ZNF600: variants seen among roughly 807,000 people sequenced by gnomAD.
The protein encoded by ZNF600 is zinc finger protein 600.
Under a neutral mutation model 7.3 loss-of-function variants are expected in ZNF600, and 4 were observed. The ratio of observed to expected loss-of-function variants is 0.55; its 90% confidence interval spans 0.27 to 1.25. ZNF600 has a LOEUF of 1.25. Ranked by LOEUF, ZNF600 falls within the 50% of genes most tolerant of loss-of-function variation. ZNF600 has a pLI of 0.12. For missense variants in ZNF600, 911 were observed against 922.1 expected, an observed-to-expected ratio of 0.99 and a Z score of 0.16; for synonymous variants, 290 against 308.9, an observed-to-expected ratio of 0.94 and a Z score of 0.64.
the ZNF600 span, among the ~76,000 whole-genome samples, chr19:52,818,318 T>C: frequency 2.6e-5 from 4 of 152,198 alleles, no homozygotes; most frequent in Non-Finnish European, 4.4e-5. Context: ...TCTGTGTGTC[T>C]GTGGTCCCAG....
the ZNF600 span, chr19:52,810,839 G>A: frequency 6.7e-6 from 1 of 148,258 alleles, no homozygotes; most frequent in Non-Finnish European, 1.1e-5. Context: ...TAAAAAAAGA[G>A]TCCCTCTCCC....
intron 1 of ZNF600, 110 bp from the exon 4 acceptor site, chr19:52,779,017 G>T: frequency 1.1e-6 from 1 of 936,130 alleles, no homozygotes; most frequent in Admixed American, 2.7e-5. Flanking sequence ...GTCCCCCACC[G>T]CCCACTGCAC....
At chr19:52,785,036 C>G (rs1341181125) in intron 1 of ZNF600, among the ~76,000 whole-genome samples, 1 of 151,956 alleles carries the variant, frequency 6.6e-6, no homozygotes, top group Non-Finnish European at 1.5e-5. Flanking sequence ...TGCGCCCAGC[C>G]CCTCTTTCTT....
At chr19:52,800,422 CTT>C in the ZNF600 span, 1 of 1,613,202 alleles carries the variant, frequency 6.2e-7, no homozygotes, top group Non-Finnish European at 8.5e-7. Context: ...CACCTGAAAA[CTT>C]TGTCACATTC....
At position 52,774,563 on chromosome 19, in the gene ZNF600, C is replaced by G. The variant is rs2062657469; in HGVS notation, c.190+12G>C. 2.0e-6 allele frequency: 2 copies of G among 984,572 alleles called. No individual in the cohort carries two copies. The highest frequency in any genetic ancestry group is 6.2e-5 in the Admixed American group (1 of 16,200). 61.0% of individuals were successfully genotyped at this position (984,572 alleles called of 1,614,324 possible). On this transcript the variant is annotated intron_variant, in intron 3 of 3. Transcript: ENST00000648973. ...CAGACTCCTCATGTCTGGGGGACAT[C>G]ATTTTCCTCACCCACAGCTTCCAGG...
At chr19:52,784,156 A>C (rs932761080) in intron 1 of ZNF600, among the ~76,000 whole-genome samples, 8 of 152,194 alleles carry the variant, frequency 5.3e-5, no homozygotes, top group Non-Finnish European at 1.2e-4. Flanking sequence ...TGCAAGGCCA[A>C]GACAGGAGGA....
intron 1 of ZNF600, among the ~76,000 whole-genome samples, chr19:52,783,486 G>A (rs552949469): frequency 1.3e-5 from 2 of 150,566 alleles, no homozygotes; most frequent in African/African-American, 4.9e-5. Flanking sequence ...CTCAGCCTCC[G>A]GAGCAGCCGG....
chr19:52,765,938 T>C, exon 4 of ZNF600: 3 of 1,614,188 alleles, frequency 1.9e-6, no homozygotes, highest in Non-Finnish European at 2.5e-6. Context: ...AAGGTTTCTC[T>C]GCAGTGTGAA....
chr19:52,772,375 G>C (rs1474543988), intron 3 of ZNF600, among the ~76,000 whole-genome samples: 2 of 152,114 alleles, frequency 1.3e-5, no homozygotes, highest in Non-Finnish European at 2.9e-5. Flanking sequence ...GGCTCAGGCA[G>C]GTACATCACT....
At chr19:52,792,872 A>C in the ZNF600 span, among the ~76,000 whole-genome samples, 1 of 151,510 alleles carries the variant, frequency 6.6e-6, no homozygotes, top group East Asian at 2.0e-4. Context: ...AGCTGGGACT[A>C]CAGGTGCCCA....
At chr19:52,808,118 T>C in the ZNF600 span, 5 of 1,613,264 alleles carry the variant, frequency 3.1e-6, no homozygotes, top group Non-Finnish European at 3.4e-6. Context: ...GCCACGTCCC[T>C]GAATGTCAAT....
chr19:52,777,039 T>C (rs1230107966), intron 2 of ZNF600, among the ~76,000 whole-genome samples: 1 of 152,118 alleles, frequency 6.6e-6, no homozygotes, highest in African/African-American at 2.4e-5. Context: ...AAGCATCCTG[T>C]ACCACTGATG....
At chr19:52,779,130 T>A (rs866664357) in intron 1 of ZNF600, among the ~76,000 whole-genome samples, 2 of 152,108 alleles carry the variant, frequency 1.3e-5, no homozygotes, top group East Asian at 3.9e-4. Context: ...CCCCACACAC[T>A]AGGCAGCAGT....
At chr19:52,808,221 T>C in the ZNF600 span, 2 of 1,569,608 alleles carry the variant, frequency 1.3e-6, no homozygotes, top group South Asian at 1.2e-5. Flanking sequence ...AGCATGGATT[T>C]AGTTGTAGTG....
the ZNF600 span, among the ~76,000 whole-genome samples, chr19:52,818,710 A>ATAAAATAC: frequency 6.5e-4 from 14 of 21,536 alleles, no homozygotes; most frequent in Non-Finnish European, 2.3e-3. Context: ...CAAAAATAAA[A>ATAAAATAC]AAATACAAAT....
At chr19:52,820,181 A>G in the ZNF600 span, among the ~76,000 whole-genome samples, 84 of 104,606 alleles carry the variant, frequency 8.0e-4, 7 homozygotes, top group Non-Finnish European at 1.2e-3. Flanking sequence ...GCAGTGGCGC[A>G]ATCTCGGCTC....
chr19:52,777,380 A>G (rs1332198513), intron 2 of ZNF600, among the ~76,000 whole-genome samples: 3 of 152,114 alleles, frequency 2.0e-5, no homozygotes, highest in Non-Finnish European at 2.9e-5. Context: ...CCATCTCTAA[A>G]AAGTAAAGAG....
At chr19:52,803,901 G>A in the ZNF600 span, among the ~76,000 whole-genome samples, 13 of 152,162 alleles carry the variant, frequency 8.5e-5, no homozygotes, top group Non-Finnish European at 1.6e-4. Flanking sequence ...AGGTTGCAGT[G>A]AGCTGAGATC....
At chr19:52,803,982 T>C in the ZNF600 span, among the ~76,000 whole-genome samples, 1 of 152,156 alleles carries the variant, frequency 6.6e-6, no homozygotes, top group Non-Finnish European at 1.5e-5. Context: ...GATAAATAAC[T>C]ACTTCTCAAA....
Sources: allele counts gnomAD v4.1 joint callset (sites outside exome capture counted in the v4.1 genomes callset), GRCh38; gene constraint gnomAD v4.1.1; transcripts MANE v1.5; gene names NCBI Gene and HGNC (gene_info 2026-07-23, HGNC 2026-07-21).